XPR1: variants seen among roughly 807,000 people sequenced by gnomAD.
XPR1 encodes the protein solute carrier family 53 member 1.
In XPR1, 28 loss-of-function variants were observed where a neutral mutation model predicts 87.5. The observed-to-expected ratio is 0.32, with a 90% CI of 0.24 to 0.44. The LOEUF (loss-of-function observed/expected upper bound fraction) is 0.44. Among genes scored for constraint, XPR1 ranks in the 20% least tolerant of loss-of-function variants. The pLI is 1.00. For missense variants in XPR1, 559 were observed against 862.3 expected, an observed-to-expected ratio of 0.65 and a Z score of 4.41; for synonymous variants, 300 against 306.1, an observed-to-expected ratio of 0.98 and a Z score of 0.21.
chr1:180,709,687 G>A (rs1657694699), intron 2 of XPR1, among the ~76,000 whole-genome samples: 1 of 152,026 alleles, frequency 6.6e-6, no homozygotes, highest in South Asian at 2.1e-4. Context: ...ACTTGGTATT[G>A]TCAATCTATT....
At position 180,859,045 on chromosome 1, in the gene XPR1, TTTC is replaced by T. The variant is rs1652131536; in HGVS notation, c.1502-4660_1502-4658del. ...GAAAACTAGGTCCAGTCTGTTGTGTTTTCTTATTTTATTTCAAACCAGTTCTCT... is the reference window on the plus strand; with the variant it reads ...GAAAACTAGGTCCAGTCTGTTGTGTTTTATTTTATTTCAAACCAGTTCTCT... On this transcript the variant is annotated intron_variant, in intron 11 of 14. Transcript: ENST00000367590. Among the ~76,000 whole-genome samples, 6 of 440 alleles carry T rather than the reference TTTC, an allele frequency of 0.014. No homozygotes were observed. In the South Asian group the frequency reaches 0.25, roughly 18 times the overall value. 0.3% of individuals were successfully genotyped at this position (440 alleles called of 152,430 possible). A position where few individuals can be genotyped will look rare whatever the true frequency, so the allele number is the denominator to read the frequency against.
intron 2 of XPR1, among the ~76,000 whole-genome samples, chr1:180,687,115 A>T (rs571906959): frequency 3.3e-5 from 5 of 152,186 alleles, no homozygotes; most frequent in African/African-American, 9.6e-5. Context: ...ATGAAATTCC[A>T]TAGAAGCTGA....
At chr1:180,653,566 G>A (rs1655359731) in intron 1 of XPR1, among the ~76,000 whole-genome samples, 1 of 152,134 alleles carries the variant, frequency 6.6e-6, no homozygotes, top group African/African-American at 2.4e-5. Flanking sequence ...AGGACCCCCA[G>A]TGGATGCCTA....
At chr1:180,767,660 G>A (rs1018927596) in intron 2 of XPR1, among the ~76,000 whole-genome samples, 1 of 152,100 alleles carries the variant, frequency 6.6e-6, no homozygotes, top group Non-Finnish European at 1.5e-5. Context: ...ATCTGGGAAA[G>A]TATACCTCAC....
At chr1:180,708,062 G>T (rs184672392) in intron 2 of XPR1, among the ~76,000 whole-genome samples, 49 of 152,176 alleles carry the variant, frequency 3.2e-4, no homozygotes, top group Non-Finnish European at 6.5e-4. Flanking sequence ...CACAATATTC[G>T]GCCAATATGA....
intron 11 of XPR1, among the ~76,000 whole-genome samples, chr1:180,856,170 ACT>A (rs763628730): frequency 2.1e-4 from 32 of 152,204 alleles, no homozygotes; most frequent in Non-Finnish European, 3.1e-4. Context: ...AACCACAATA[ACT>A]CTATAGTAAT....
At chr1:180,757,744 T>G (rs1270515516) in intron 2 of XPR1, among the ~76,000 whole-genome samples, 1 of 151,646 alleles carries the variant, frequency 6.6e-6, no homozygotes, top group Non-Finnish European at 1.5e-5. Flanking sequence ...GATCTAAAAC[T>G]TCTGGCCTCA....
At chr1:180,853,569 C>A (rs1651934994) in intron 11 of XPR1, among the ~76,000 whole-genome samples, 2 of 150,520 alleles carry the variant, frequency 1.3e-5, no homozygotes, top group African/African-American at 2.4e-5. Context: ...CTTTGTATGA[C>A]TAGTGATTTT....
At chr1:180,656,516 A>AT (rs372643251) in intron 1 of XPR1, among the ~76,000 whole-genome samples, 1 of 81,056 alleles carries the variant, frequency 1.2e-5, no homozygotes, top group South Asian at 2.8e-4. Context: ...ATATTTATAT[A>AT]TAATATTTAT....
intron 1 of XPR1, among the ~76,000 whole-genome samples, chr1:180,679,295 T>TG (rs776110217): frequency 5.9e-5 from 9 of 152,192 alleles, no homozygotes; most frequent in African/African-American, 9.6e-5. Context: ...GTGCTGGTTC[T>TG]GGGGAGGGAC....
chr1:180,682,833 C>CAT (rs771161695), intron 2 of XPR1, among the ~76,000 whole-genome samples: 9 of 146,236 alleles, frequency 6.2e-5, no homozygotes, highest in African/African-American at 2.3e-4. Flanking sequence ...TGTGTGTGTG[C>CAT]GTGTGTGTGT....
chr1:180,752,949 G>A (rs967388480), intron 2 of XPR1, among the ~76,000 whole-genome samples: 4 of 152,086 alleles, frequency 2.6e-5, no homozygotes, highest in African/African-American at 9.7e-5. Flanking sequence ...TAGAAGTATT[G>A]TGCATTACAG....
intron 9 of XPR1, among the ~76,000 whole-genome samples, chr1:180,834,608 A>T (rs546298176): frequency 1.3e-5 from 2 of 152,234 alleles, no homozygotes; most frequent in African/African-American, 4.8e-5. Context: ...TTTGCAAAGA[A>T]TTAGCAGCAT....
intron 2 of XPR1, among the ~76,000 whole-genome samples, chr1:180,762,022 CAA>C (rs1297685183): frequency 1.3e-5 from 2 of 148,876 alleles, no homozygotes; most frequent in East Asian, 4.0e-4. Flanking sequence ...ATCGCAAGGA[CAA>C]AAAACCAAAC....
At chr1:180,843,492 C>T (rs570886799) in intron 11 of XPR1, among the ~76,000 whole-genome samples, 8 of 152,046 alleles carry the variant, frequency 5.3e-5, no homozygotes, top group East Asian at 1.9e-4. Context: ...CTGACGATGC[C>T]GTAAAGCCAA....
intron 2 of XPR1, among the ~76,000 whole-genome samples, chr1:180,770,202 T>C (rs781522648): frequency 3.3e-5 from 5 of 152,194 alleles, no homozygotes; most frequent in Admixed American, 6.5e-5. Flanking sequence ...GTTACATGTT[T>C]AAAGAGATGA....
In XPR1 at chr1:180,806,499, A is replaced by G; in HGVS notation, c.623A>G (p.Asp208Gly). Residue 208 changes from aspartate (D) to glycine (G), a missense_variant, in exon 6 of 15, where the codon GAT becomes GGT. Coordinates refer to ENST00000367590, the MANE Select transcript of XPR1 (RefSeq NM_004736.4). ...GCTGTAGTGACCAATGAACTTGAAG[A>G]TGGTGACAGACAAAAGGCTATGAAG... The part of the protein sequence containing the change: ...TEAVVTNELE[D>G]GDRQKAMKRL... 1 of 1,613,514 alleles carries G rather than the reference A, an allele frequency of 6.2e-7. No homozygotes were observed. The highest frequency in any genetic ancestry group is 1.3e-5 in the African/African-American group (1 of 75,046).
At chr1:180,792,549 G>A (rs140675145) in intron 3 of XPR1, among the ~76,000 whole-genome samples, 5 of 152,170 alleles carry the variant, frequency 3.3e-5, no homozygotes, top group African/African-American at 9.6e-5. Flanking sequence ...AAGTTACTTT[G>A]TTAGTCTTTA....
intron 11 of XPR1, among the ~76,000 whole-genome samples, chr1:180,845,118 C>T (rs1651633958): frequency 6.6e-6 from 1 of 152,006 alleles, no homozygotes; most frequent in Non-Finnish European, 1.5e-5. Context: ...GAAAAATTTT[C>T]CACTTTGGTA....
Sources: allele counts gnomAD v4.1 joint callset (sites outside exome capture counted in the v4.1 genomes callset), GRCh38; gene constraint gnomAD v4.1.1; transcripts MANE v1.5; gene names NCBI Gene and HGNC (gene_info 2026-07-23, HGNC 2026-07-21).